SF3A3: variants seen among roughly 807,000 people sequenced by gnomAD.
SF3A3 encodes SAP 61.
SF3A3 carries 9 observed loss-of-function variants against 85.8 expected under a neutral mutation model. The ratio of observed to expected loss-of-function variants is 0.10; its 90% confidence interval spans 0.06 to 0.18. The LOEUF is 0.18. SF3A3 is among the 10% of genes least tolerant of loss of function. The probability of loss-of-function intolerance (pLI) is 1.00; values close to 1 mark genes in which losing one functional copy is unlikely to be tolerated. For missense variants in SF3A3, 306 were observed against 593.3 expected, an observed-to-expected ratio of 0.52 and a Z score of 5.03; for synonymous variants, 195 against 204.4, an observed-to-expected ratio of 0.95 and a Z score of 0.39.
rs1056741140 is a variant in SF3A3 at position 37,984,840 on chromosome 1, C to A, written c.304-61G>T. 2.9e-6 allele frequency: 4 copies of A among 1,362,962 alleles called. No individual in the cohort carries two copies. In the East Asian group the frequency reaches 9.2e-5, roughly 31 times the overall value. 84.4% of individuals were successfully genotyped at this position (1,362,962 alleles called of 1,614,324 possible). A position where few individuals can be genotyped will look rare whatever the true frequency, so the allele number is the denominator to read the frequency against. ...TTTTTGCTTTTGAGATGGATTCTCA[C>A]TCTGTGGCCCAGGCTGGAGTGCACT... On this transcript the variant is annotated intron_variant, in intron 4 of 16. Coordinates refer to ENST00000373019, the MANE Select transcript of SF3A3 (RefSeq NM_006802.4).
chr1:37,979,589 C>T, intron 8 of SF3A3, 56 bp from the exon 9 acceptor site: 1 of 1,348,414 alleles, frequency 7.4e-7, no homozygotes, highest in Non-Finnish European at 1.1e-6. Flanking sequence ...GGTGTGGTGG[C>T]TCACACCTGT....
At chr1:37,973,918 C>T (rs1416097933) in intron 12 of SF3A3, among the ~76,000 whole-genome samples, 2 of 152,114 alleles carry the variant, frequency 1.3e-5, no homozygotes, top group African/African-American at 2.4e-5. Context: ...AGGATGAGTT[C>T]GTGTCCTTTG....
intron 12 of SF3A3, among the ~76,000 whole-genome samples, chr1:37,974,974 T>C (rs537083548): frequency 1.3e-5 from 2 of 152,240 alleles, no homozygotes; most frequent in Non-Finnish European, 2.9e-5. Flanking sequence ...TATTCAGGTA[T>C]GTATCACATT....
At chr1:37,961,778 A>G (rs1646260766) in intron 15 of SF3A3, among the ~76,000 whole-genome samples, 1 of 146,140 alleles carries the variant, frequency 6.8e-6, no homozygotes, top group Admixed American at 6.8e-5. Flanking sequence ...AAAAAAAAAA[A>G]AAAAAGAAAG....
intron 16 of SF3A3, among the ~76,000 whole-genome samples, chr1:37,959,080 CTTT>C (rs369121020): frequency 1.4e-5 from 2 of 143,310 alleles, no homozygotes; most frequent in Admixed American, 7.0e-5. Flanking sequence ...ACTTTTTTTT[CTTT>C]TTTTTTTTTT....
intron 6 of SF3A3, 61 bp downstream of exon 6, chr1:37,984,108 C>A: frequency 1.2e-6 from 1 of 849,204 alleles, no homozygotes; most frequent in Non-Finnish European, 1.9e-6. Flanking sequence ...CTGCTAGTTC[C>A]AGCCTACTGT....
chr1:37,984,878 G>C, intron 4 of SF3A3, 99 bp from the exon 5 acceptor site: 1 of 947,480 alleles, frequency 1.1e-6, no homozygotes, highest in Admixed American at 1.9e-5. Flanking sequence ...CACAATCTTG[G>C]CTCACTGCAA....
intron 12 of SF3A3, among the ~76,000 whole-genome samples, chr1:37,974,134 G>A (rs559949700): frequency 1.3e-5 from 2 of 152,064 alleles, no homozygotes; most frequent in South Asian, 2.1e-4. Flanking sequence ...TAATGTAAAT[G>A]ACGAGTTAAC....
chr1:37,958,342 C>G (rs72921809), intron 16 of SF3A3, 79 bp from the exon 17 acceptor site: 1 of 966,576 alleles, frequency 1.0e-6, no homozygotes, highest in Non-Finnish European at 1.7e-6. Flanking sequence ...TACCTGAGCT[C>G]ATCCTGGCCT....
intron 12 of SF3A3, among the ~76,000 whole-genome samples, chr1:37,974,372 G>A (rs1340344925): frequency 1.8e-4 from 25 of 135,874 alleles, no homozygotes; most frequent in Admixed American, 1.6e-3. Context: ...GCGCAATCTC[G>A]GCTCACTGCA....
intron 7 of SF3A3, 62 bp downstream of exon 7, chr1:37,981,667 C>T: frequency 9.3e-7 from 1 of 1,075,586 alleles, no homozygotes; most frequent in Non-Finnish European, 1.4e-6. Flanking sequence ...ACTTCACCCT[C>T]AAAAACTTCA....
chr1:37,989,760 G>T (rs569626152), intron 1 of SF3A3, 110 bp downstream of exon 1: 1 of 1,211,718 alleles, frequency 8.3e-7, no homozygotes, highest in African/African-American at 1.5e-5. Flanking sequence ...CTCGGAGAGG[G>T]AGCCCGGAGG....
At chr1:37,974,559 C>T (rs1646367078) in intron 12 of SF3A3, among the ~76,000 whole-genome samples, 2 of 152,108 alleles carry the variant, frequency 1.3e-5, no homozygotes, top group African/African-American at 4.8e-5. Flanking sequence ...GCCTTGGCCT[C>T]ACAAAGGGCT....
In SF3A3 at chr1:37,979,382, C is replaced by T. The variant is rs905589313; in HGVS notation, c.759+83G>A. The T allele has an allele frequency of 1.3e-5, 14 of 1,061,598 alleles. No individual in the cohort carries two copies. In the South Asian group the frequency reaches 1.8e-4, roughly 14 times the overall value. 65.8% of individuals were successfully genotyped at this position (1,061,598 alleles called of 1,614,324 possible). On this transcript the variant is annotated intron_variant, in intron 9 of 16. Coordinates refer to ENST00000373019, the MANE Select transcript of SF3A3 (RefSeq NM_006802.4). Reference sequence around the variant, plus strand: ...GAAATAGTGCCTTATCACAACACAACCATGGTATTAAAGACAGGAGAGCAG... The same window carrying T: ...GAAATAGTGCCTTATCACAACACAATCATGGTATTAAAGACAGGAGAGCAG...
At position 37,989,568 on chromosome 1, in the gene SF3A3, G is replaced by A; in HGVS notation, c.124C>T (p.Arg42Cys). ...CTCACATCTTGCATGGCCCGAGTGC[G>A]GTGATCAGAATTGATCTGGTCCCGG... ...TLRDQINSDH[R>C]TRAMQDRYME... Residue 42 changes from arginine (R) to cysteine (C), a missense_variant, in exon 2 of 17, where the codon CGC becomes TGC. By Grantham distance (180) the Arg-to-Cys change is radical (BLOSUM62 -3). Coordinates refer to ENST00000373019, the MANE Select transcript of SF3A3 (RefSeq NM_006802.4). 3.1e-6 allele frequency: 5 copies of A among 1,613,986 alleles called. No homozygotes were observed. The highest frequency in any genetic ancestry group is 4.2e-6 in the Non-Finnish European group (5 of 1,179,962).
chr1:37,961,257 A>C (rs1323082212), intron 15 of SF3A3, among the ~76,000 whole-genome samples: 1 of 152,130 alleles, frequency 6.6e-6, no homozygotes, highest in African/African-American at 2.4e-5. Context: ...GTGCTCAACT[A>C]ATCAACTTTT....
At chr1:37,984,541 T>C (rs1477832635) in intron 5 of SF3A3, among the ~76,000 whole-genome samples, 166 bp downstream of exon 5, 2 of 152,156 alleles carry the variant, frequency 1.3e-5, no homozygotes, top group Non-Finnish European at 2.9e-5. Context: ...AAAATGAACA[T>C]TTTGCCCAAG....
chr1:37,989,498 C>G, intron 2 of SF3A3, 50 bp downstream of exon 2: 1 of 1,598,908 alleles, frequency 6.3e-7, no homozygotes, highest in East Asian at 2.2e-5. Context: ...CTTCCCCTCT[C>G]TTTTCCCGCC....
rs1044906278 is a variant in SF3A3 at position 37,989,652 on chromosome 1, G to C, written c.97-57C>G. 5 of 1,590,932 alleles carry C rather than the reference G, an allele frequency of 3.1e-6. No individual in the cohort carries two copies. The African/African-American group carries it at 6.7e-5, about 21-fold the overall frequency. On this transcript the variant is annotated intron_variant, in intron 1 of 16. Transcript: ENST00000373019. ...TAGTTTGCGTTCTGGAGTAGAAAAG[G>C]CCGCCCGAGGGCGGAGCTTACCCGC...
Sources: gnomAD v4.1 joint callset for allele counts (sites outside exome capture counted in the v4.1 genomes callset) on GRCh38, gnomAD v4.1.1 for gene constraint, MANE v1.5 for transcripts, NCBI Gene and HGNC (gene_info 2026-07-23, HGNC 2026-07-21) for gene names.